SLC24A4: variants seen among roughly 807,000 people sequenced by gnomAD.
SLC24A4 encodes the protein solute carrier family 24 member 4.
In SLC24A4, 53 loss-of-function variants were observed where a neutral mutation model predicts 79.0. The observed-to-expected ratio is 0.67, with a 90% CI of 0.54 to 0.84. SLC24A4 has a LOEUF of 0.84. Among genes scored for constraint, SLC24A4 ranks in the 40% least tolerant of loss-of-function variants. SLC24A4 has a pLI of 0.00. For missense variants in SLC24A4, 731 were observed against 822.0 expected (o/e 0.89, Z 1.35); for synonymous variants, 323 against 323.8 (o/e 1.00, Z 0.03).
At chr14:92,443,325 G>A (rs551420793) in intron 6 of SLC24A4, 75 bp from the exon 7 acceptor site, 3 of 1,409,140 alleles carry the variant, frequency 2.1e-6, no homozygotes, top group Non-Finnish European at 3.0e-6. Flanking sequence ...CACTGCGGGG[G>A]GAGGAGGCCT....
chr14:92,470,898 A>T (rs4904927), intron 12 of SLC24A4, among the ~76,000 whole-genome samples: 1 of 152,162 alleles, frequency 6.6e-6, no homozygotes, highest in Admixed American at 6.5e-5. Context: ...CTGCCTTCTG[A>T]CAAGGCTAGA....
intron 2 of SLC24A4, among the ~76,000 whole-genome samples, chr14:92,427,614 C>T (rs982581028): frequency 3.3e-5 from 5 of 152,174 alleles, no homozygotes; most frequent in African/African-American, 1.2e-4. Flanking sequence ...GTAGGATTGC[C>T]AGGGCTTGTG....
chr14:92,436,472 C>A (rs1241748953), intron 3 of SLC24A4, among the ~76,000 whole-genome samples: 1 of 152,072 alleles, frequency 6.6e-6, no homozygotes, highest in Non-Finnish European at 1.5e-5. Flanking sequence ...TGGAACACTG[C>A]AACACCCATT....
chr14:92,327,798 A>G (rs1156845430), intron 2 of SLC24A4, among the ~76,000 whole-genome samples: 1 of 152,212 alleles, frequency 6.6e-6, no homozygotes, highest in Non-Finnish European at 1.5e-5. Context: ...CGTCTGTTCT[A>G]TTCGACAGGA....
At chr14:92,456,271 A>G (rs989014657) in intron 11 of SLC24A4, 133 bp from the exon 12 acceptor site, 6 of 794,434 alleles carry the variant, frequency 7.6e-6, no homozygotes, top group South Asian at 1.6e-5. Flanking sequence ...GCTGATTCTC[A>G]GGCAAACCTG....
intron 2 of SLC24A4, among the ~76,000 whole-genome samples, chr14:92,365,609 A>G (rs895404497): frequency 1.3e-5 from 2 of 152,192 alleles, no homozygotes; most frequent in African/African-American, 4.8e-5. Flanking sequence ...TTACAGTGTG[A>G]CATGTTGGTG....
At chr14:92,422,877 C>G (rs181924602) in intron 2 of SLC24A4, among the ~76,000 whole-genome samples, 3 of 151,956 alleles carry the variant, frequency 2.0e-5, no homozygotes, top group Non-Finnish European at 4.4e-5. Context: ...GCATTGGTGC[C>G]ATCACTGCTC....
chr14:92,352,506 G>A (rs1019873094), intron 2 of SLC24A4, among the ~76,000 whole-genome samples: 1 of 152,236 alleles, frequency 6.6e-6, no homozygotes, highest in African/African-American at 2.4e-5. Flanking sequence ...TTGGATATGA[G>A]CTTCGATAGT....
intron 2 of SLC24A4, among the ~76,000 whole-genome samples, chr14:92,352,863 A>G (rs939066355): frequency 6.6e-6 from 1 of 152,190 alleles, no homozygotes; most frequent in African/African-American, 2.4e-5. Flanking sequence ...CAAACAGGAA[A>G]TGCCATCATC....
chr14:92,343,478 TTC>T (rs1319112451), intron 2 of SLC24A4, among the ~76,000 whole-genome samples: 2 of 152,224 alleles, frequency 1.3e-5, no homozygotes, highest in Non-Finnish European at 2.9e-5. Context: ...TCCAGCCAGC[TTC>T]TCTCTGCCTC....
At chr14:92,343,961 C>A (rs982376896) in intron 2 of SLC24A4, among the ~76,000 whole-genome samples, 2 of 152,088 alleles carry the variant, frequency 1.3e-5, no homozygotes, top group Non-Finnish European at 2.9e-5. Flanking sequence ...CTTTGGCCTC[C>A]CAAAGTGCTG....
At chr14:92,440,326 G>A (rs1253942146) in intron 4 of SLC24A4, among the ~76,000 whole-genome samples, 1 of 152,222 alleles carries the variant, frequency 6.6e-6, no homozygotes, top group Admixed American at 6.5e-5. Context: ...ATGAAGCCAG[G>A]GGAGGAGGGT....
chr14:92,444,465 C>T (rs1892679101), intron 7 of SLC24A4, among the ~76,000 whole-genome samples: 1 of 152,176 alleles, frequency 6.6e-6, no homozygotes. Context: ...AAATTCCAAA[C>T]AGAGCAAAGT....
intron 2 of SLC24A4, among the ~76,000 whole-genome samples, chr14:92,429,539 G>A (rs1891748867): frequency 6.6e-6 from 1 of 152,196 alleles, no homozygotes; most frequent in African/African-American, 2.4e-5. Flanking sequence ...ACCTCTGTAT[G>A]GGTGAATTCT....
At chr14:92,479,654 G>A (rs1595352904) in intron 12 of SLC24A4, among the ~76,000 whole-genome samples, 3 of 152,284 alleles carry the variant, frequency 2.0e-5, no homozygotes, top group Admixed American at 2.0e-4. Context: ...AAGGGATATT[G>A]GTCTGTAATT....
chr14:92,335,583 G>T (rs892976114), intron 2 of SLC24A4, among the ~76,000 whole-genome samples: 2 of 151,468 alleles, frequency 1.3e-5, no homozygotes, highest in Non-Finnish European at 2.9e-5. Flanking sequence ...GGCTGGTCTC[G>T]AACTCCTGAC....
intron 2 of SLC24A4, among the ~76,000 whole-genome samples, chr14:92,332,601 A>G (rs1885542690): frequency 6.6e-6 from 1 of 152,210 alleles, no homozygotes; most frequent in Non-Finnish European, 1.5e-5. Context: ...ATAGATTTTC[A>G]GCTGAGTGGG....
At position 92,353,760 on chromosome 14, in the gene SLC24A4, G is replaced by A. The variant is rs1304321920; in HGVS notation, c.241+27782G>A. Among the ~76,000 whole-genome samples the A allele has an allele frequency of 1.3e-5, 2 of 152,134 alleles. No individual in the cohort carries two copies. The highest frequency in any genetic ancestry group is 2.9e-5 in the Non-Finnish European group (2 of 68,028). On this transcript the variant is annotated intron_variant, in intron 2 of 16. Transcript: ENST00000532405. This position sits in a 1 kb window ranked among gnomAD's most constrained non-coding sequence, Gnocchi z 4.1. Reference sequence around the variant, plus strand: ...CTGTGTTGTCAGAAAAGGGATTGTCGTGGTCAGGTTCCCCAGAGATAAATC... The same window carrying A: ...CTGTGTTGTCAGAAAAGGGATTGTCATGGTCAGGTTCCCCAGAGATAAATC...
At chr14:92,465,527 G>A (rs1465909684) in intron 12 of SLC24A4, among the ~76,000 whole-genome samples, 1 of 152,202 alleles carries the variant, frequency 6.6e-6, no homozygotes, top group African/African-American at 2.4e-5. Flanking sequence ...TGCTGGGCCA[G>A]TGGTCCCTGG....
Sources: allele counts gnomAD v4.1 joint callset (sites outside exome capture counted in the v4.1 genomes callset), GRCh38; gene constraint gnomAD v4.1.1; non-coding constraint Gnocchi (gnomAD v3.1); transcripts MANE v1.5; gene names NCBI Gene and HGNC (gene_info 2026-07-23, HGNC 2026-07-21).